MCMDC2: variants seen among roughly 807,000 people sequenced by gnomAD.
MCMDC2 encodes the protein minichromosome maintenance domain-containing protein 2.
A neutral mutation model predicts 75.8 loss-of-function variants in MCMDC2; 54 were observed. The observed-to-expected ratio is 0.71, with a 90% CI of 0.57 to 0.89. The LOEUF (loss-of-function observed/expected upper bound fraction) is 0.89. Ranked by LOEUF, MCMDC2 falls within the 40% of genes least tolerant of loss-of-function variation. MCMDC2 has a pLI of 0.00. For synonymous variants in MCMDC2, 249 were observed against 274.6 expected, an observed-to-expected ratio of 0.91 and a Z score of 0.92; for missense variants, 656 against 780.4, an observed-to-expected ratio of 0.84 and a Z score of 1.90.
At chr8:66,912,484 A>G (rs1813155088) in intron 14 of MCMDC2, among the ~76,000 whole-genome samples, 1 of 152,212 alleles carries the variant, frequency 6.6e-6, no homozygotes. Flanking sequence ...ATTGCCTGCA[A>G]TTTTGAAAGA....
In MCMDC2 at chr8:66,906,308, G is replaced by C. The variant is rs979835697; in HGVS notation, c.1879+973G>C. Among the ~76,000 whole-genome samples, 4 of 152,270 alleles carry C rather than the reference G, an allele frequency of 2.6e-5. No homozygotes were observed. The South Asian group carries it at 8.3e-4, about 32-fold the overall frequency. On this transcript the variant is annotated intron_variant, in intron 14 of 14. Coordinates refer to ENST00000422365, the MANE Select transcript of MCMDC2 (RefSeq NM_173518.5). ...AGAATGTATTAACACTAGCTTTCCT[G>C]TGTGTATGTGCTGGTGATTACATTT...
At chr8:66,890,376 TTCTAAAGA>T (rs1268673850) in intron 9 of MCMDC2, among the ~76,000 whole-genome samples, 1 of 152,156 alleles carries the variant, frequency 6.6e-6, no homozygotes, top group Non-Finnish European at 1.5e-5. Flanking sequence ...ACCATGGATG[TTCTAAAGA>T]CTTTTTTTTT....
At chr8:66,923,080 G>T (rs543264119), downstream of MCMDC2, among the ~76,000 whole-genome samples, 14 of 152,288 alleles carry the variant, frequency 9.2e-5, no homozygotes, top group African/African-American at 3.1e-4. Context: ...TGGCAGTTTT[G>T]ATTTTAAGAC....
At chr8:66,884,239 GC>G in intron 9 of MCMDC2, 1 of 523,710 alleles carries the variant, frequency 1.9e-6, no homozygotes, top group Non-Finnish European at 3.3e-6. Flanking sequence ...ATCCTTCCCA[GC>G]CTTCCTTTCC....
At chr8:66,912,755 G>C (rs898186142) in intron 14 of MCMDC2, among the ~76,000 whole-genome samples, 1 of 152,108 alleles carries the variant, frequency 6.6e-6, no homozygotes, top group East Asian at 1.9e-4. Context: ...TGGACACAGG[G>C]AGGGGAACAT....
chr8:66,905,509 T>G (rs1812871223), intron 14 of MCMDC2, 174 bp downstream of exon 14: 1 of 496,070 alleles, frequency 2.0e-6, no homozygotes, highest in African/African-American at 2.0e-5. Context: ...TGTTTCTGGG[T>G]AGTATCATCA....
At chr8:66,924,630 G>T (rs1037577204), downstream of MCMDC2, among the ~76,000 whole-genome samples, 2 of 144,072 alleles carry the variant, frequency 1.4e-5, no homozygotes, top group Non-Finnish European at 3.0e-5. Flanking sequence ...ACAGACTCTG[G>T]CTCAAAAAAA....
intron 14 of MCMDC2, among the ~76,000 whole-genome samples, chr8:66,915,466 T>C (rs187462835): frequency 1.6e-4 from 23 of 145,750 alleles, no homozygotes; most frequent in Middle Eastern, 3.6e-3. Context: ...AAAAAAAAGT[T>C]TTATATATTT....
intron 13 of MCMDC2, among the ~76,000 whole-genome samples, chr8:66,905,014 G>A (rs1341058368): frequency 6.6e-6 from 1 of 152,014 alleles, no homozygotes; most frequent in Non-Finnish European, 1.5e-5. Context: ...AAGCCAGGAT[G>A]GAAACCAAAA....
chr8:66,872,081 T>C (rs1407237759), intron 1 of MCMDC2, among the ~76,000 whole-genome samples: 1 of 152,202 alleles, frequency 6.6e-6, no homozygotes, highest in Non-Finnish European at 1.5e-5. Context: ...AGATGTGATG[T>C]TCTGAACACA....
chr8:66,913,487 T>G (rs1280569482), intron 14 of MCMDC2, among the ~76,000 whole-genome samples: 3 of 152,206 alleles, frequency 2.0e-5, no homozygotes, highest in African/African-American at 7.2e-5. Context: ...TTATATGTTC[T>G]CATAATATGC....
intron 12 of MCMDC2, among the ~76,000 whole-genome samples, chr8:66,899,035 G>C (rs559228149): frequency 6.6e-6 from 1 of 152,236 alleles, no homozygotes; most frequent in Non-Finnish European, 1.5e-5. Flanking sequence ...CTGTAAAATA[G>C]TAAAAAGTGA....
At chr8:66,874,962 G>A (rs1045719816) in intron 4 of MCMDC2, among the ~76,000 whole-genome samples, 2 of 152,110 alleles carry the variant, frequency 1.3e-5, no homozygotes, top group African/African-American at 2.4e-5. Context: ...CACCATGCTG[G>A]CCAGGCTGAT....
At chr8:66,886,158 CTTTTTTTT>C (rs775562349) in intron 9 of MCMDC2, among the ~76,000 whole-genome samples, 3 of 123,442 alleles carry the variant, frequency 2.4e-5, no homozygotes, top group Non-Finnish European at 1.7e-5. Flanking sequence ...ATATGTATAA[CTTTTTTTT>C]TTTTTTTTTT....
Position 66,874,582 on chromosome 8 carries a change from C to T in MCMDC2, c.281C>T (p.Thr94Met), listed in dbSNP as rs116671744. 52,482 of 1,611,390 alleles carry T rather than the reference C, an allele frequency of 0.033. 1,005 individuals carry two copies. The highest frequency in any genetic ancestry group is 0.058 in the Admixed American group (3,436 of 59,736). The change falls in exon 4 of 15, where the codon ACG becomes ATG. Residue 94 changes from threonine (T) to methionine (M), a missense_variant. Coordinates refer to ENST00000422365, the MANE Select transcript of MCMDC2 (RefSeq NM_173518.5). ...TTAATTGGACAATTGCAGACTGAAA[C>T]GCAAGTAAGTTTTAGTTACATTTAA... ...LSLIGQLQTETQINIVLKLTH... is the reference protein window; with the variant it reads ...LSLIGQLQTEMQINIVLKLTH...
At chr8:66,872,324 T>C (rs1811061897) in intron 1 of MCMDC2, among the ~76,000 whole-genome samples, 2 of 152,306 alleles carry the variant, frequency 1.3e-5, no homozygotes, top group South Asian at 4.1e-4. Context: ...ATTAGTGAAA[T>C]AGTCGTCTAT....
At chr8:66,911,442 T>C (rs191758533) in intron 14 of MCMDC2, among the ~76,000 whole-genome samples, 1 of 152,346 alleles carries the variant, frequency 6.6e-6, no homozygotes, top group African/African-American at 2.4e-5. Context: ...CTCTTTCCTT[T>C]ATAAATTACC....
chr8:66,925,232 G>C (rs1164877336), downstream of MCMDC2, among the ~76,000 whole-genome samples: 4 of 152,352 alleles, frequency 2.6e-5, no homozygotes, highest in East Asian at 7.7e-4. Flanking sequence ...CCTTCCAGGT[G>C]GTTACTCACA....
Position 66,896,920 on chromosome 8 carries a change from T to G in MCMDC2, c.1587T>G (p.Tyr529Ter). 2 of 1,611,960 alleles carry G rather than the reference T, an allele frequency of 1.2e-6. No homozygotes were observed. The highest frequency in any genetic ancestry group is 1.7e-6 in the Non-Finnish European group (2 of 1,179,098). Reference protein sequence around the residue: ...NKAINPEGLFYAASRQFTTED... With the variant: ...NKAINPEGLF ...CCATTAATCCTGAAGGGCTGTTTTA[T>G]GCGGCTTCTAGACAGTTCACAACTG... Residue 529 changes from tyrosine (Y) to a stop codon, truncating the protein, a stop_gained, in exon 12 of 15, where the codon TAT becomes TAG. Transcript: ENST00000422365. LOFTEE classifies it high-confidence loss of function.
Sources: gnomAD v4.1 joint callset for allele counts (sites outside exome capture counted in the v4.1 genomes callset) on GRCh38, gnomAD v4.1.1 for gene constraint, MANE v1.5 for transcripts, NCBI Gene and HGNC (gene_info 2026-07-23, HGNC 2026-07-21) for gene names.